The following CLCN5 variants were observed in gnomAD, a reference collection of about 807,000 sequenced individuals.
CLCN5 encodes the protein Cl-/H+ antiporter 5, also known as H(+)/Cl(-) exchange transporter 5.
A neutral mutation model predicts 54.0 loss-of-function variants in CLCN5; 17 were observed. The ratio of observed to expected loss-of-function variants is 0.31; its 90% CI spans 0.22 to 0.47. The LOEUF (loss-of-function observed/expected upper bound fraction) is 0.47. CLCN5 is among the 20% of genes least tolerant of loss of function. The pLI, the probability that CLCN5 is intolerant of heterozygous loss-of-function variation, is 1.00. For synonymous variants in CLCN5, 222 were observed against 233.0 expected, an observed-to-expected ratio of 0.95 and a Z score of 0.43; for missense variants, 448 against 646.7, an observed-to-expected ratio of 0.69 and a Z score of 3.33.
At chrX:50,075,731 G>T in intron 6 of CLCN5, 64 bp from the exon 7 acceptor site, 1 of 1,023,745 alleles carries the variant, frequency 9.8e-7, no homozygotes, top group South Asian at 1.9e-5. Context: ...TTATTCTGAT[G>T]ACCAAAGAAC....
chrX:50,094,607 G>A lies in CLCN5; in HGVS notation c.*2388G>A, dbSNP rs988453274. 2 of 112,505 alleles carry A rather than the reference G, an allele frequency of 1.8e-5. No homozygotes were observed. Among genetic ancestry groups the A allele is most frequent in the East Asian group, 2.8e-4 (1 of 3,578 alleles). 9.3% of individuals were successfully genotyped at this position (112,505 alleles called of 1,213,427 possible). A position where few individuals can be genotyped will look rare whatever the true frequency, so the allele number is the denominator to read the frequency against. On this transcript the variant is annotated 3_prime_UTR_variant, in exon 15 of 15. Transcript: ENST00000376091. ...TAGACAGATGAGCCAGTGTTAAGGTGCTACTTCAGAGAATAAATTAGAGAA... is the reference window on the plus strand; with the variant it reads ...TAGACAGATGAGCCAGTGTTAAGGTACTACTTCAGAGAATAAATTAGAGAA...
intron 3 of CLCN5, among the ~76,000 whole-genome samples, chrX:49,955,160 C>T (rs1362915044): frequency 8.9e-6 from 1 of 111,738 alleles, no homozygotes; most frequent in African/African-American, 3.3e-5. Context: ...TGTGCCACCA[C>T]CATTCCACCC....
chrX:49,933,525 GC>G (rs1303865413), intron 3 of CLCN5, among the ~76,000 whole-genome samples: 34 of 112,407 alleles, frequency 3.0e-4, no homozygotes, highest in African/African-American at 1.1e-3. Flanking sequence ...AACTCCAGAA[GC>G]CTCAATTGTC....
intron 4 of CLCN5, among the ~76,000 whole-genome samples, chrX:50,060,300 G>A (rs964734970): frequency 6.8e-4 from 75 of 110,673 alleles, no homozygotes; most frequent in African/African-American, 2.3e-3. Flanking sequence ...GTGGGTGCGC[G>A]CACCGTGCGC....
At chrX:50,032,405 T>C (rs1316817391) in intron 3 of CLCN5, among the ~76,000 whole-genome samples, 3 of 111,048 alleles carry the variant, frequency 2.7e-5, no homozygotes, top group Non-Finnish European at 5.7e-5. Flanking sequence ...TTTTAATGAT[T>C]GCCATTCTAA....
intron 3 of CLCN5, among the ~76,000 whole-genome samples, chrX:49,970,529 G>A (rs991783234): frequency 2.3e-4 from 26 of 110,827 alleles, no homozygotes; most frequent in Non-Finnish European, 4.5e-4. Context: ...TGTGGTCTCC[G>A]CATAATTTTT....
Position 50,062,952 on chromosome X carries a change from G to A in CLCN5, c.164-6927G>A, listed in dbSNP as rs1932884948. The stretch of plus-strand genomic sequence containing the variant: ...GAAGGCAGAAATAAAGATGTTCTTT[G>A]AAACCAAAGAGAACAAAGACACAAC... On this transcript the variant is annotated intron_variant, in intron 4 of 14. Coordinates refer to ENST00000376091, the MANE Select transcript of CLCN5 (RefSeq NM_001127898.4). 2.7e-5 allele frequency among the ~76,000 whole-genome samples: 3 copies of A among 109,814 alleles called. No homozygotes were observed. The South Asian group carries it at 1.2e-3, about 43-fold the overall frequency.
chrX:50,060,370 C>T (rs1203953813), intron 4 of CLCN5, among the ~76,000 whole-genome samples: 1 of 109,934 alleles, frequency 9.1e-6, no homozygotes, highest in African/African-American at 3.3e-5. Context: ...AGGGAGTTCC[C>T]TTTCCGAGTC....
At chrX:49,924,618 C>G (rs369114709) in intron 2 of CLCN5, among the ~76,000 whole-genome samples, 1 of 111,762 alleles carries the variant, frequency 8.9e-6, no homozygotes, top group African/African-American at 3.3e-5. Context: ...AAGCAATATA[C>G]GCTCACTATA....
At chrX:49,939,644 A>G (rs993052970) in intron 3 of CLCN5, among the ~76,000 whole-genome samples, 23 of 109,262 alleles carry the variant, frequency 2.1e-4, no homozygotes, top group African/African-American at 5.6e-4. Context: ...GTCGTGGGGT[A>G]GGGGGTAGAG....
chrX:49,952,463 A>G (rs1246600595), intron 3 of CLCN5, among the ~76,000 whole-genome samples: 5 of 108,412 alleles, frequency 4.6e-5, no homozygotes, highest in African/African-American at 1.3e-4. Flanking sequence ...TCTCCAGTCT[A>G]TATTTGCAGA....
At chrX:49,960,296 A>T (rs1401338685) in intron 3 of CLCN5, among the ~76,000 whole-genome samples, 1 of 111,069 alleles carries the variant, frequency 9.0e-6, no homozygotes, top group Non-Finnish European at 1.9e-5. Context: ...GCTGCTGAGT[A>T]AGTACTAGGG....
At chrX:50,062,081 A>G (rs1382478373) in intron 4 of CLCN5, among the ~76,000 whole-genome samples, 34 of 107,808 alleles carry the variant, frequency 3.2e-4, no homozygotes, top group Admixed American at 6.0e-4. Context: ...CATCGAGACT[A>G]GGAAGAAAGT....
At chrX:49,966,079 G>C (rs1186616641) in intron 3 of CLCN5, among the ~76,000 whole-genome samples, 1 of 110,610 alleles carries the variant, frequency 9.0e-6, no homozygotes, top group Admixed American at 9.7e-5. Flanking sequence ...ATCTTTGCCT[G>C]GTTTTGGTAT....
rs1336803298 is a variant in CLCN5 at position 50,090,782 on chromosome X, C to T, written c.2256C>T (p.Ile752=). ...CACCCACTCTAAAGCTTCGGAACATCCTCGATCTCAGCCCCTTCACTGTGA... is the reference window on the plus strand; with the variant it reads ...CACCCACTCTAAAGCTTCGGAACATTCTCGATCTCAGCCCCTTCACTGTGA... The part of the protein sequence containing the change: ...YTPPTLKLRN[I]LDLSPFTVTD... The change falls in exon 14 of 15, where the codon ATC becomes ATT. Residue 752 remains isoleucine (I), a synonymous_variant. Transcript: ENST00000376091. 15 of 1,211,038 alleles carry T rather than the reference C, an allele frequency of 1.2e-5. No individual in the cohort carries two copies. The highest frequency in any genetic ancestry group is 1.7e-5 in the Non-Finnish European group (15 of 894,888).
chrX:49,989,117 G>A (rs1306401780), intron 3 of CLCN5, among the ~76,000 whole-genome samples: 1 of 106,560 alleles, frequency 9.4e-6, no homozygotes, highest in African/African-American at 3.4e-5. Context: ...CTGTCGCCCA[G>A]GCTGGAGTGC....
intron 12 of CLCN5, among the ~76,000 whole-genome samples, chrX:50,089,895 AAGAG>A (rs1407140570): frequency 3.6e-5 from 4 of 111,427 alleles, no homozygotes; most frequent in East Asian, 5.6e-4. Context: ...CAAAAAAAGA[AAGAG>A]AGAGAAAAAA....
chrX:50,073,874 T>G (rs1557191777), intron 6 of CLCN5, among the ~76,000 whole-genome samples: 2 of 111,620 alleles, frequency 1.8e-5, no homozygotes, highest in Non-Finnish European at 3.8e-5. Context: ...TTTGCAAAAA[T>G]AGGAGACAGA....
In CLCN5 at chrX:50,086,354, A is replaced by G; in HGVS notation, c.1041A>G (p.Thr347=). The change falls in exon 11 of 15, where the codon ACA becomes ACG. Residue 347 remains threonine (T), a synonymous_variant. Transcript: ENST00000376091. ...EEVSYYFPLK[T]LWRSFFAALV... ...TCAGCTACTATTTTCCCCTCAAAAC[A>G]TTGTGGCGTTCATTCTTTGCTGCCT... 2.5e-6 allele frequency: 3 copies of G among 1,210,479 alleles called. No individual in the cohort carries two copies. The highest frequency in any genetic ancestry group is 1.7e-5 in the African/African-American group (1 of 57,708).
Sources: gnomAD v4.1 joint callset for allele counts (sites outside exome capture counted in the v4.1 genomes callset) on GRCh38, gnomAD v4.1.1 for gene constraint, MANE v1.5 for transcripts, NCBI Gene and HGNC (gene_info 2026-07-23, HGNC 2026-07-21) for gene names.